COL24A1: variants seen among roughly 807,000 people sequenced by gnomAD.
The protein encoded by COL24A1 is collagen type XXIV alpha 1 chain.
COL24A1 carries 224 observed loss-of-function variants against 253.9 expected under a neutral mutation model. The observed-to-expected ratio is 0.88, with a 90% CI of 0.79 to 0.99. The LOEUF is 0.99. COL24A1 is among the 50% of genes least tolerant of loss of function. The probability of loss-of-function intolerance (pLI) is 0.00; values close to 1 mark genes in which losing one functional copy is unlikely to be tolerated. For missense variants in COL24A1, 2,131 were observed against 2,068.5 expected (o/e 1.03, Z -0.59); for synonymous variants, 685 against 673.7 (o/e 1.02, Z -0.26).
At chr1:86,072,675 G>A (rs1402476394) in intron 7 of COL24A1, among the ~76,000 whole-genome samples, 6 of 152,138 alleles carry the variant, frequency 3.9e-5, no homozygotes, top group African/African-American at 1.4e-4. Context: ...CCTGACCCCC[G>A]TGCCTCGTGA....
intron 19 of COL24A1, among the ~76,000 whole-genome samples, chr1:85,989,721 T>C (rs1054303047): frequency 3.3e-5 from 5 of 152,164 alleles, no homozygotes; most frequent in East Asian, 1.9e-4. Context: ...ACTGAACAAT[T>C]TTCATACTCT....
chr1:86,099,472 A>G (rs1704262601), intron 5 of COL24A1, among the ~76,000 whole-genome samples: 1 of 152,176 alleles, frequency 6.6e-6, no homozygotes, highest in Non-Finnish European at 1.5e-5. Context: ...GATTAATGAA[A>G]AGTTGTTATT....
chr1:85,944,337 G>A (rs12120830), intron 24 of COL24A1, among the ~76,000 whole-genome samples: 1,805 of 152,196 alleles, frequency 0.012, 40 homozygotes, highest in Non-Finnish European at 0.011. Flanking sequence ...TAGAATATTT[G>A]AGTGTTTATG....
intron 37 of COL24A1, among the ~76,000 whole-genome samples, chr1:85,861,869 T>C (rs560761066): frequency 5.3e-5 from 8 of 152,342 alleles, no homozygotes; most frequent in South Asian, 4.1e-4. Flanking sequence ...CTATTTATTA[T>C]GCTGCAGCTG....
In COL24A1 at chr1:86,112,631, C is replaced by A; in HGVS notation, c.1546-11G>T. On this transcript the variant is annotated splice_polypyrimidine_tract_variant and intron_variant, in intron 4 of 59. Coordinates refer to ENST00000370571, the MANE Select transcript of COL24A1 (RefSeq NM_152890.7). ...TGGCCCTGGTATGCCCTGCAAGTAA[C>A]GAAAAAAGTCATCATTCTTGGAACA... The A allele has an allele frequency of 6.2e-7, 1 of 1,610,110 alleles. No homozygotes were observed.
chr1:86,020,498 C>T (rs1461262344), intron 18 of COL24A1, among the ~76,000 whole-genome samples: 1 of 152,054 alleles, frequency 6.6e-6, no homozygotes, highest in Admixed American at 6.6e-5. Context: ...TTTTTTTACT[C>T]CCATCAACAT....
intron 47 of COL24A1, among the ~76,000 whole-genome samples, chr1:85,804,878 G>A (rs1201986426): frequency 6.7e-6 from 1 of 148,544 alleles, no homozygotes; most frequent in African/African-American, 2.5e-5. Context: ...TTAGGATTTT[G>A]TTTTGTCACC....
At chr1:86,055,267 G>C (rs485204) in intron 10 of COL24A1, among the ~76,000 whole-genome samples, 65,073 of 151,920 alleles carry the variant, frequency 0.43, 14,612 homozygotes, top group Middle Eastern at 0.63. Context: ...ATGTAACAAA[G>C]CTGCACATAT....
intron 12 of COL24A1, among the ~76,000 whole-genome samples, chr1:86,044,840 A>G (rs994036735): frequency 4.6e-5 from 7 of 152,230 alleles, no homozygotes; most frequent in Admixed American, 2.6e-4. Context: ...GAGATCAGCA[A>G]TATTATCAAA....
intron 47 of COL24A1, among the ~76,000 whole-genome samples, chr1:85,795,247 A>C (rs770808263): frequency 5.5e-4 from 83 of 152,270 alleles, no homozygotes; most frequent in Non-Finnish European, 8.4e-4. Context: ...TCTGGGAAGG[A>C]AAATGGTGCT....
chr1:85,958,059 T>C (rs116048980), intron 24 of COL24A1, among the ~76,000 whole-genome samples: 1,792 of 152,310 alleles, frequency 0.012, 15 homozygotes, highest in Non-Finnish European at 0.018. Context: ...ATGACTGGCA[T>C]TGTGATAAGT....
intron 24 of COL24A1, among the ~76,000 whole-genome samples, chr1:85,942,956 G>A (rs185392220): frequency 1.3e-5 from 2 of 152,236 alleles, no homozygotes; most frequent in Admixed American, 1.3e-4. Flanking sequence ...GCATTACTTT[G>A]GGTGTGTCTA....
At chr1:86,111,456 T>C (rs1301403975) in intron 5 of COL24A1, among the ~76,000 whole-genome samples, 1 of 152,100 alleles carries the variant, frequency 6.6e-6, no homozygotes, top group Non-Finnish European at 1.5e-5. Flanking sequence ...TCAGGGATTG[T>C]AAATGCACCA....
intron 47 of COL24A1, among the ~76,000 whole-genome samples, chr1:85,807,586 C>T (rs1368323306): frequency 2.6e-5 from 4 of 152,064 alleles, no homozygotes; most frequent in Admixed American, 1.3e-4. Flanking sequence ...TATTAATATA[C>T]AGGTGGAAAA....
intron 37 of COL24A1, among the ~76,000 whole-genome samples, chr1:85,857,986 A>G (rs773275124): frequency 3.3e-5 from 5 of 152,198 alleles, no homozygotes; most frequent in African/African-American, 1.2e-4. Context: ...TCTAGGGTTT[A>G]TTATTTATTA....
intron 9 of COL24A1, among the ~76,000 whole-genome samples, chr1:86,058,812 T>C (rs72960346): frequency 8.3e-4 from 126 of 152,226 alleles, no homozygotes; most frequent in African/African-American, 2.8e-3. Flanking sequence ...CTTCATTTTG[T>C]TCAGTGACAG....
At chr1:86,100,322 T>C (rs569776910) in intron 5 of COL24A1, among the ~76,000 whole-genome samples, 97 of 152,326 alleles carry the variant, frequency 6.4e-4, no homozygotes, top group African/African-American at 2.2e-3. Flanking sequence ...TTAGTAGCTC[T>C]TTCTATAATA....
intron 59 of COL24A1, among the ~76,000 whole-genome samples, chr1:85,731,081 G>A (rs565384922): frequency 6.6e-6 from 1 of 152,268 alleles, no homozygotes; most frequent in East Asian, 1.9e-4. Flanking sequence ...AAAAGGGAAC[G>A]AGCTATTTCA....
Position 86,095,918 on chromosome 1 carries a change from C to G in COL24A1, c.1600-3598G>C, listed in dbSNP as rs572017683. Among the ~76,000 whole-genome samples, 190 of 152,178 alleles carry G rather than the reference C, an allele frequency of 1.2e-3. 1 individual carries two copies. Among genetic ancestry groups the G allele is most frequent in the Non-Finnish European group, 2.0e-3 (135 of 67,954 alleles). On this transcript the variant is annotated intron_variant, in intron 5 of 59. Coordinates refer to ENST00000370571, the MANE Select transcript of COL24A1 (RefSeq NM_152890.7). The stretch of plus-strand genomic sequence containing the variant: ...TCCATTATTGAATCTCCAGAGGGCC[C>G]TCGGTCTAGGGAGGGAAAGTCCCCA...
Sources: gnomAD v4.1 joint callset for allele counts (sites outside exome capture counted in the v4.1 genomes callset) on GRCh38, gnomAD v4.1.1 for gene constraint, MANE v1.5 for transcripts, NCBI Gene and HGNC (gene_info 2026-07-23, HGNC 2026-07-21) for gene names.